STS: variants seen among roughly 807,000 people sequenced by gnomAD.
STS encodes steryl-sulfatase.
A neutral mutation model predicts 26.8 loss-of-function variants in STS; 7 were observed. The ratio of observed to expected loss-of-function variants is 0.26; its 90% CI spans 0.15 to 0.49. STS has a LOEUF of 0.49. Ranked by LOEUF, STS falls within the 20% of genes least tolerant of loss-of-function variation. The pLI is 0.98. For missense variants in STS, 434 were observed against 465.6 expected (o/e 0.93, Z 0.63); for synonymous variants, 199 against 189.4 (o/e 1.05, Z -0.42).
At chrX:7,325,305 C>T in intron 8 of STS, 34 bp from the exon 9 acceptor site, 1 of 1,205,014 alleles carries the variant, frequency 8.3e-7, no homozygotes, top group South Asian at 1.8e-5. Flanking sequence ...TTGAAATCTC[C>T]CTGTTGCCTC....
At position 7,198,428 on chromosome X, in the gene STS, A is replaced by T. The variant is rs555434400; in HGVS notation, c.-5+7420A>T. 9.9e-5 allele frequency among the ~76,000 whole-genome samples: 11 copies of T among 111,472 alleles called. No individual in the cohort carries two copies. The South Asian group carries it at 4.2e-3, about 42-fold the overall frequency. On this transcript the variant is annotated intron_variant, in intron 2 of 10. Coordinates refer to ENST00000674429, the MANE Select transcript of STS (RefSeq NM_001320752.2). ...CTTCAACTCCAATCTTAGGCATTCCAATAGTGACGGTATCCCTAGGACCAA... is the reference window on the plus strand; with the variant it reads ...CTTCAACTCCAATCTTAGGCATTCCTATAGTGACGGTATCCCTAGGACCAA...
chrX:7,262,615 G>T (rs1236286286), intron 6 of STS, among the ~76,000 whole-genome samples: 1 of 112,298 alleles, frequency 8.9e-6, no homozygotes, highest in Non-Finnish European at 1.9e-5. Flanking sequence ...GATAAAAGTT[G>T]CAGTGCTTGG....
intron 2 of STS, among the ~76,000 whole-genome samples, chrX:7,205,581 GTTTTCT>G (rs71947088): frequency 0.38 from 39,201 of 102,210 alleles, 6,790 homozygotes; most frequent in African/African-American, 0.56. Flanking sequence ...AAATTATTTG[GTTTTCT>G]TTTTCTTTTT....
chrX:7,147,991 C>T lies in STS; in HGVS notation c.-226C>T, dbSNP rs1485215588. 8.7e-6 allele frequency: 8 copies of T among 920,510 alleles called. No homozygotes were observed. The East Asian group carries it at 1.2e-4, about 14-fold the overall frequency. 75.9% of individuals were successfully genotyped at this position (920,510 alleles called of 1,213,427 possible). A position where few individuals can be genotyped will look rare whatever the true frequency, so the allele number is the denominator to read the frequency against. On this transcript the variant is annotated 5_prime_UTR_variant, in exon 1 of 11. Transcript: ENST00000674429. ...CCCCAGGCCGTGACGTACCCCGCGC[C>T]GACCGTCCCCACGCCCACACAAGAC... is the stretch of plus-strand genomic sequence containing the variant.
intron 7 of STS, among the ~76,000 whole-genome samples, chrX:7,286,389 C>T (rs753542915): frequency 1.8e-5 from 2 of 111,223 alleles, no homozygotes; most frequent in East Asian, 2.8e-4. Context: ...GACCTCTGAT[C>T]GTGTCATTGC....
intron 2 of STS, among the ~76,000 whole-genome samples, chrX:7,230,651 C>G (rs757399638): frequency 1.1e-4 from 12 of 111,673 alleles, no homozygotes; most frequent in Non-Finnish European, 2.3e-4. Context: ...GCAGGCACAT[C>G]TTACATGGTG....
At chrX:7,151,309 G>C (rs1333282866) in intron 1 of STS, among the ~76,000 whole-genome samples, 1 of 111,599 alleles carries the variant, frequency 9.0e-6, no homozygotes, top group Non-Finnish European at 1.9e-5. Context: ...ATCTTGCCCA[G>C]CGTAGATGGA....
chrX:7,158,740 A>G (rs992217903), intron 1 of STS, among the ~76,000 whole-genome samples: 11 of 111,639 alleles, frequency 9.9e-5, no homozygotes, highest in African/African-American at 3.6e-4. Flanking sequence ...TTACTCTGGA[A>G]TTAAAGCTGC....
At chrX:7,214,251 G>A (rs1386199892) in intron 2 of STS, among the ~76,000 whole-genome samples, 1 of 111,479 alleles carries the variant, frequency 9.0e-6, no homozygotes, top group Non-Finnish European at 1.9e-5. Context: ...TTGACTGATT[G>A]CGGAGGGGGG....
chrX:7,323,385 C>A (rs1287860852), intron 8 of STS, among the ~76,000 whole-genome samples: 2 of 110,658 alleles, frequency 1.8e-5, no homozygotes, highest in Admixed American at 9.7e-5. Flanking sequence ...CCCTCTTTCC[C>A]CCCTAGTAGT....
intron 2 of STS, among the ~76,000 whole-genome samples, chrX:7,205,321 TC>T (rs768895615): frequency 8.9e-6 from 1 of 111,789 alleles, no homozygotes; most frequent in African/African-American, 3.3e-5. Context: ...GTTTTGTTGT[TC>T]CCCCCAAGCT....
At chrX:7,277,162 T>G (rs921140811) in intron 7 of STS, among the ~76,000 whole-genome samples, 9 of 112,173 alleles carry the variant, frequency 8.0e-5, no homozygotes, top group African/African-American at 2.9e-4. Flanking sequence ...CTCTTACTTT[T>G]ACATTGCTGG....
chrX:7,311,948 GC>G (rs1348442864), intron 8 of STS, among the ~76,000 whole-genome samples: 1 of 111,650 alleles, frequency 9.0e-6, no homozygotes, highest in African/African-American at 3.3e-5. Context: ...GATCGCTTGA[GC>G]CCAGGAAGTC....
chrX:7,295,512 T>C (rs998945684), intron 7 of STS, among the ~76,000 whole-genome samples: 2 of 111,103 alleles, frequency 1.8e-5, no homozygotes, highest in African/African-American at 3.3e-5. Flanking sequence ...CTCCATTACA[T>C]TGAGTAGAAA....
intron 9 of STS, among the ~76,000 whole-genome samples, chrX:7,327,173 G>A (rs1404929583): frequency 9.0e-6 from 1 of 110,760 alleles, no homozygotes; most frequent in African/African-American, 3.3e-5. Flanking sequence ...TGGCCACAAG[G>A]AATGTCCATT....
At chrX:7,335,476 G>A (rs1477633706) in intron 10 of STS, among the ~76,000 whole-genome samples, 3 of 110,712 alleles carry the variant, frequency 2.7e-5, no homozygotes, top group African/African-American at 9.9e-5. Context: ...TCTTGTAAAT[G>A]TGTTTGAGTT....
intron 8 of STS, among the ~76,000 whole-genome samples, chrX:7,320,540 G>A (rs1052293564): frequency 2.7e-5 from 3 of 111,521 alleles, no homozygotes; most frequent in African/African-American, 6.5e-5. Flanking sequence ...GTTGTATAGC[G>A]ATCACTTATT....
At chrX:7,298,897 G>A (rs1055403962) in intron 7 of STS, among the ~76,000 whole-genome samples, 4 of 105,568 alleles carry the variant, frequency 3.8e-5, no homozygotes, top group Non-Finnish European at 7.7e-5. Flanking sequence ...ATTATTAACA[G>A]TGGGTGCCTG....
chrX:7,160,264 T>C (rs1261506623), intron 1 of STS, among the ~76,000 whole-genome samples: 1 of 112,373 alleles, frequency 8.9e-6, no homozygotes, highest in Non-Finnish European at 1.9e-5. Context: ...GCCAAGTCTT[T>C]GCTCTGGGAG....
Sources: allele counts gnomAD v4.1 joint callset (sites outside exome capture counted in the v4.1 genomes callset), GRCh38; gene constraint gnomAD v4.1.1; transcripts MANE v1.5; gene names NCBI Gene and HGNC (gene_info 2026-07-23, HGNC 2026-07-21).